Variants in LURAP1L observed in about 807,000 individuals in gnomAD.
LURAP1L encodes the protein leucine rich adaptor protein 1 like.
Under a neutral mutation model 13.8 loss-of-function variants are expected in LURAP1L, and 12 were observed. The observed-to-expected ratio is 0.87, with a 90% CI of 0.56 to 1.41. The LOEUF is 1.41. Ranked by LOEUF, LURAP1L falls within the 40% of genes most tolerant of loss-of-function variation. LURAP1L has a pLI of 0.00. For synonymous variants in LURAP1L, 139 were observed against 119.2 expected (o/e 1.17, Z -1.08); for missense variants, 375 against 292.9 (o/e 1.28, Z -2.04).
At chr9:12,816,522 C>A (rs16929608) in intron 1 of LURAP1L, among the ~76,000 whole-genome samples, 6,789 of 152,270 alleles carry the variant, frequency 0.045, 342 homozygotes, top group African/African-American at 0.12. Flanking sequence ...GCAACCAAAA[C>A]TCCGACTGCA....
chr9:12,814,703 C>T (rs2118544738), intron 1 of LURAP1L, among the ~76,000 whole-genome samples: 1 of 152,330 alleles, frequency 6.6e-6, no homozygotes, highest in East Asian at 1.9e-4. Context: ...ACACCAGATA[C>T]AGCTTTCTAC....
chr9:12,800,467 G>A (rs947807025), intron 1 of LURAP1L, among the ~76,000 whole-genome samples: 1 of 151,208 alleles, frequency 6.6e-6, no homozygotes, highest in African/African-American at 2.4e-5. Context: ...AACTGACTGG[G>A]ATACCATTTA....
At chr9:12,800,086 A>G (rs958283775) in intron 1 of LURAP1L, among the ~76,000 whole-genome samples, 17 of 152,132 alleles carry the variant, frequency 1.1e-4, no homozygotes, top group Non-Finnish European at 2.2e-4. Context: ...ATGCAATACA[A>G]TATTATTAAC....
At chr9:12,790,435 T>C (rs1819424781) in intron 1 of LURAP1L, among the ~76,000 whole-genome samples, 1 of 152,144 alleles carries the variant, frequency 6.6e-6, no homozygotes, top group Non-Finnish European at 1.5e-5. Context: ...ACTAGCAACA[T>C]TTGCTTTTTT....
rs188413421 is a variant in LURAP1L, at chr9:12,815,947, C to T, written c.313-5439C>T. On this transcript the variant is annotated intron_variant, in intron 1 of 1. Coordinates refer to ENST00000319264, the MANE Select transcript of LURAP1L (RefSeq NM_203403.2). ...AAGTACCTCAAATTAACATCAAACCCAAACTTCTAGCCTTAGCCATGAGTT... is the reference window on the plus strand; with the variant it reads ...AAGTACCTCAAATTAACATCAAACCTAAACTTCTAGCCTTAGCCATGAGTT... Among the ~76,000 whole-genome samples the T allele has an allele frequency of 1.9e-3, 288 of 152,254 alleles. 2 individuals carry two copies. The highest frequency in any genetic ancestry group is 1.6e-3 in the Non-Finnish European group (109 of 67,994).
At chr9:12,805,652 C>G (rs1586884038) in intron 1 of LURAP1L, among the ~76,000 whole-genome samples, 1 of 152,152 alleles carries the variant, frequency 6.6e-6, no homozygotes, top group South Asian at 2.1e-4. Flanking sequence ...TTCTCATCAT[C>G]CTAATATAGG....
intron 1 of LURAP1L, among the ~76,000 whole-genome samples, chr9:12,786,547 CATATATATATATATATATATAT>C (rs67654649): frequency 2.6e-4 from 14 of 53,006 alleles, no homozygotes; most frequent in South Asian, 1.1e-3. Flanking sequence ...ATATATATGA[CATATATATATATATATATATAT>C]ATATATATAT....
chr9:12,808,693 T>C (rs1289718213), intron 1 of LURAP1L, among the ~76,000 whole-genome samples: 3 of 152,172 alleles, frequency 2.0e-5, no homozygotes, highest in Non-Finnish European at 4.4e-5. Context: ...TGCCTAGATA[T>C]AGGTTTTTTG....
rs1243695680 is a variant in LURAP1L at position 12,821,798 on chromosome 9, T to A, written c.*38T>A. The A allele has an allele frequency of 7.0e-6, 11 of 1,572,086 alleles. No individual in the cohort carries two copies. The highest frequency in any genetic ancestry group is 9.5e-6 in the Non-Finnish European group (11 of 1,156,392). ...GCATGGGACTGGTGTGCAATGAACT[T>A]GTATTTATCCTTCTTCTCCGCTGCT... On this transcript the variant is annotated 3_prime_UTR_variant, in exon 2 of 2. Coordinates refer to ENST00000319264, the MANE Select transcript of LURAP1L (RefSeq NM_203403.2).
chr9:12,792,920 T>C (rs1400093489), intron 1 of LURAP1L, among the ~76,000 whole-genome samples: 2 of 152,078 alleles, frequency 1.3e-5, no homozygotes, highest in African/African-American at 4.8e-5. Context: ...ATTTGGAAGT[T>C]TCTAAAAATT....
At chr9:12,812,735 C>G (rs1213577008) in intron 1 of LURAP1L, among the ~76,000 whole-genome samples, 1 of 152,146 alleles carries the variant, frequency 6.6e-6, no homozygotes, top group Non-Finnish European at 1.5e-5. Context: ...CCTCAACAAT[C>G]TTCAAATGCA....
chr9:12,783,499 C>T (rs931743953), intron 1 of LURAP1L, among the ~76,000 whole-genome samples: 1 of 152,148 alleles, frequency 6.6e-6, no homozygotes, highest in Non-Finnish European at 1.5e-5. Context: ...TATGATGTAT[C>T]ACATTGGTGG....
chr9:12,817,216 C>CT lies in LURAP1L; in HGVS notation c.313-4161dup, dbSNP rs3839899. ...ATTGAAATGTTCTTTCCCGAAGCTA[C>CT]TTTTTTTTTCCCTCTCAAGTCACAT... On this transcript the variant is annotated intron_variant, in intron 1 of 1. Coordinates refer to ENST00000319264, the MANE Select transcript of LURAP1L (RefSeq NM_203403.2). 4.2e-4 allele frequency among the ~76,000 whole-genome samples: 64 copies of CT among 151,792 alleles called. No individual in the cohort carries two copies. The South Asian group carries it at 6.3e-3, about 15-fold the overall frequency.
intron 1 of LURAP1L, among the ~76,000 whole-genome samples, chr9:12,792,269 G>A (rs1256463927): frequency 3.3e-5 from 5 of 152,096 alleles, no homozygotes; most frequent in African/African-American, 1.2e-4. Flanking sequence ...CAAGAATTCT[G>A]AGAACCAGTT....
intron 1 of LURAP1L, among the ~76,000 whole-genome samples, chr9:12,787,417 G>A (rs1563888756): frequency 6.6e-6 from 1 of 152,072 alleles, no homozygotes; most frequent in Admixed American, 6.6e-5. Flanking sequence ...GTTGGCAAAG[G>A]ACACCATTCA....
At chr9:12,807,867 C>T (rs1043502124) in intron 1 of LURAP1L, among the ~76,000 whole-genome samples, 17 of 151,932 alleles carry the variant, frequency 1.1e-4, no homozygotes, top group Admixed American at 4.6e-4. Context: ...AATTATACTT[C>T]TTTTTTAAGT....
chr9:12,804,527 G>A (rs1054416346), intron 1 of LURAP1L, among the ~76,000 whole-genome samples: 12 of 151,836 alleles, frequency 7.9e-5, no homozygotes, highest in African/African-American at 2.9e-4. Context: ...GTTTTTAGTC[G>A]AAATGGAGTT....
chr9:12,779,889 G>T (rs530340881), intron 1 of LURAP1L, among the ~76,000 whole-genome samples: 1 of 152,260 alleles, frequency 6.6e-6, no homozygotes, highest in South Asian at 2.1e-4. Context: ...CTTAGGATTT[G>T]GATGAACATA....
At chr9:12,793,454 T>C (rs958540986) in intron 1 of LURAP1L, among the ~76,000 whole-genome samples, 2 of 152,108 alleles carry the variant, frequency 1.3e-5, no homozygotes, top group African/African-American at 4.8e-5. Context: ...TCTTTCCTGC[T>C]AGGCATTTTT....
Sources: allele counts gnomAD v4.1 joint callset (sites outside exome capture counted in the v4.1 genomes callset), GRCh38; gene constraint gnomAD v4.1.1; transcripts MANE v1.5; gene names NCBI Gene and HGNC (gene_info 2026-07-23, HGNC 2026-07-21).